The following SF3A2 variants were observed in gnomAD, a reference collection of about 807,000 sequenced individuals.
The protein encoded by SF3A2 is SAP 62.
In SF3A2, 5 loss-of-function variants were observed where a neutral mutation model predicts 31.1. The observed-to-expected ratio is 0.16, with a 90% CI of 0.08 to 0.34. SF3A2 has a LOEUF of 0.34. Among genes scored for constraint, SF3A2 ranks in the 10% least tolerant of loss-of-function variants. The pLI, the probability that SF3A2 is intolerant of heterozygous loss-of-function variation, is 1.00. For synonymous variants in SF3A2, 365 were observed against 263.7 expected (o/e 1.38, Z -3.72); for missense variants, 577 against 643.9 (o/e 0.90, Z 1.13).
At position 2,248,467 on chromosome 19, in the gene SF3A2, C is replaced by T; in HGVS notation, c.1316C>T (p.Thr439Ile). ...HPSNPGVHPP[T>I]PMPPMLRPPL... ...TCAAATCCTGGGGTGCACCCCCCAA[C>T]TCCCATGCCCCCAATGCTGAGGCCC... Residue 439 changes from threonine to isoleucine, a missense_variant, in exon 9 of 9, where the codon ACT (threonine) becomes ATT (isoleucine). Transcript: ENST00000221494. 1 of 1,235,130 alleles carries T rather than the reference C, an allele frequency of 8.1e-7. No individual in the cohort carries two copies. The highest frequency in any genetic ancestry group is 1.0e-6 in the Non-Finnish European group (1 of 953,104). The allele number at this position is 1,235,130 out of a possible 1,614,324, so 76.5% of individuals were successfully genotyped here.
rs7252549 is a variant in SF3A2 at position 2,243,451 on chromosome 19, C to G, written c.33C>G (p.Thr11=). 1 of 1,554,538 alleles carries G rather than the reference C, an allele frequency of 6.4e-7. No homozygotes were observed. The highest frequency in any genetic ancestry group is 1.2e-5 in the South Asian group (1 of 83,962). The change falls in exon 2 of 9, where the codon ACC becomes ACG. Residue 11 remains threonine, a synonymous_variant. Coordinates refer to ENST00000221494, the MANE Select transcript of SF3A2 (RefSeq NM_007165.5). MDFQHRPGGK[T]GSGGVASSSE... is the part of the protein sequence containing the mutation. ...TCCAGCATCGCCCCGGGGGCAAGAC[C>G]GGGAGCGGGGGCGTGGCCTCCTCCT...
Position 2,246,672 on chromosome 19 carries a change from G to A in SF3A2, c.356-81G>A. 1.3e-6 allele frequency: 2 copies of A among 1,554,004 alleles called. No individual in the cohort carries two copies. Among genetic ancestry groups the A allele is most frequent in the Non-Finnish European group, 1.8e-6 (2 of 1,130,950 alleles). ...TCCCCCGGGGTCCCGCTCTCGTTCAGTGGGTGGCATTAGCCTGCCCCAGGT... is the reference window on the plus strand; with the variant it reads ...TCCCCCGGGGTCCCGCTCTCGTTCAATGGGTGGCATTAGCCTGCCCCAGGT... On this transcript the variant is annotated intron_variant, in intron 5 of 8. Transcript: ENST00000221494. The surrounding 1 kb of genome is among the most constrained non-coding windows in gnomAD (Gnocchi z 5.5).
rs969242776 is a variant in SF3A2 at position 2,243,407 on chromosome 19, A to G, written c.-12A>G. ...GTGTCTCCCAGTCTGCTAAAGCCCT[A>G]AGGCCATCACCATGGACTTCCAGCA... On this transcript the variant is annotated 5_prime_UTR_variant, in exon 2 of 9. Transcript: ENST00000221494. 17 of 1,530,136 alleles carry G rather than the reference A, an allele frequency of 1.1e-5. No homozygotes were observed. Among genetic ancestry groups the G allele is most frequent in the Admixed American group, 2.3e-5 (1 of 43,574 alleles). 94.8% of individuals were successfully genotyped at this position (1,530,136 alleles called of 1,614,324 possible). A position where few individuals can be genotyped will look rare whatever the true frequency, so the allele number is the denominator to read the frequency against.
chr19:2,248,396 TCCGTCGGCTCCTGGGGTCCAC>T lies in SF3A2; in HGVS notation c.1248_1268del (p.Ser417_Pro423del). The T allele has an allele frequency of 7.3e-7, 1 of 1,360,868 alleles. No homozygotes were observed. The highest frequency in any genetic ancestry group is 3.6e-5 in the Admixed American group (1 of 27,814). The allele number at this position is 1,360,868 out of a possible 1,614,324, so 84.3% of individuals were successfully genotyped here. A position where few individuals can be genotyped will look rare whatever the true frequency, so the allele number is the denominator to read the frequency against. On this transcript the variant is annotated inframe_deletion, in exon 9 of 9. Coordinates refer to ENST00000221494, the MANE Select transcript of SF3A2 (RefSeq NM_007165.5). ...TCCACCCCCAACCTCCCGGGGTCCA[TCCGTCGGCTCCTGGGGTCCAC>T]CCTCAGCCTCCGGGAGTTCACCCCT...
chr19:2,244,908 T>C, intron 4 of SF3A2, 129 bp downstream of exon 4: 1 of 787,744 alleles, frequency 1.3e-6, no homozygotes, highest in African/African-American at 1.7e-5. Context: ...GGCGCTTGAG[T>C]ACGGTTCCTG....
At chr19:2,247,341 A>T (rs1041062592) in intron 7 of SF3A2, 2 of 573,522 alleles carry the variant, frequency 3.5e-6, no homozygotes, top group Non-Finnish European at 6.2e-6. Context: ...CCATGCCTGG[A>T]CAGGGCGGCC....
In SF3A2 at chr19:2,246,615, G is replaced by A; in HGVS notation, c.356-138G>A. Reference sequence around the variant, plus strand: ...ACCAGAATCCCAGAGCCTGGGCGGAGATTGTCTAATGGTTGCCAGAGCTGC... The same window carrying A: ...ACCAGAATCCCAGAGCCTGGGCGGAAATTGTCTAATGGTTGCCAGAGCTGC... On this transcript the variant is annotated intron_variant, in intron 5 of 8. Coordinates refer to ENST00000221494, the MANE Select transcript of SF3A2 (RefSeq NM_007165.5). The surrounding 1 kb of genome is among the most constrained non-coding windows in gnomAD (Gnocchi z 5.5). The A allele has an allele frequency of 2.1e-6, 2 of 934,180 alleles. No individual in the cohort carries two copies. Among genetic ancestry groups the A allele is most frequent in the Non-Finnish European group, 3.2e-6 (2 of 618,912 alleles). The allele number at this position is 934,180 out of a possible 1,614,324, so 57.9% of individuals were successfully genotyped here. A position where few individuals can be genotyped will look rare whatever the true frequency, so the allele number is the denominator to read the frequency against.
intron 7 of SF3A2, 109 bp from the exon 8 acceptor site, chr19:2,247,485 C>A: frequency 2.7e-6 from 3 of 1,098,204 alleles, no homozygotes; most frequent in Non-Finnish European, 2.7e-6. Context: ...TTCTCCTGGG[C>A]TCCCAGGGTA....
chr19:2,242,808 CT>C (rs1204904898), intron 1 of SF3A2, among the ~76,000 whole-genome samples: 1 of 152,154 alleles, frequency 6.6e-6, no homozygotes, highest in Non-Finnish European at 1.5e-5. Context: ...GCAGAGCCCC[CT>C]GCGCCACAAG....
At position 2,245,050 on chromosome 19, in the gene SF3A2, G is replaced by A; in HGVS notation, c.245+271G>A. 2 of 551,114 alleles carry A rather than the reference G, an allele frequency of 3.6e-6. No homozygotes were observed. Among genetic ancestry groups the A allele is most frequent in the Non-Finnish European group, 3.2e-6 (1 of 307,768 alleles). The allele number at this position is 551,114 out of a possible 1,614,324, so 34.1% of individuals were successfully genotyped here. On this transcript the variant is annotated intron_variant, in intron 4 of 8. Transcript: ENST00000221494. The surrounding 1 kb of genome is among the most constrained non-coding windows in gnomAD (Gnocchi z 4.2). ...AAATACAAAAATTAGGCCAGGCATG[G>A]TGGCACACGTCTGTAATCACAGCTA...
At chr19:2,239,588 G>A (rs924616500) in intron 1 of SF3A2, among the ~76,000 whole-genome samples, 1 of 151,938 alleles carries the variant, frequency 6.6e-6, no homozygotes, top group South Asian at 2.1e-4. Flanking sequence ...GTGGGTGCTT[G>A]GTATCTGGAC....
chr19:2,237,948 C>T (rs1209139601), intron 1 of SF3A2: 1 of 152,242 alleles, frequency 6.6e-6, no homozygotes, highest in Non-Finnish European at 1.5e-5. Flanking sequence ...CTAATTCCTT[C>T]TCAATGGTCT....
Position 2,245,983 on chromosome 19 carries a change from C to T in SF3A2, c.355+428C>T, listed in dbSNP as rs1039829949. 5.0e-6 allele frequency: 1 copy of T among 199,966 alleles called. No homozygotes were observed. Among genetic ancestry groups the T allele is most frequent in the African/African-American group, 2.3e-5 (1 of 42,704 alleles). 12.4% of individuals were successfully genotyped at this position (199,966 alleles called of 1,614,324 possible). On this transcript the variant is annotated intron_variant, in intron 5 of 8. Transcript: ENST00000221494. This position sits in a 1 kb window ranked among gnomAD's most constrained non-coding sequence, Gnocchi z 4.2. ...AGCAGTGGGAATGGCTAGAGGTGAC[C>T]CCGGTTCAGAAAGCTGGGGAAGTGA...
rs975161045 is a variant in SF3A2 at position 2,245,325 on chromosome 19, G to A, written c.246-121G>A. 2 of 695,960 alleles carry A rather than the reference G, an allele frequency of 2.9e-6. No homozygotes were observed. The highest frequency in any genetic ancestry group is 1.8e-5 in the African/African-American group (1 of 55,732). The allele number at this position is 695,960 out of a possible 1,614,324, so 43.1% of individuals were successfully genotyped here. A position where few individuals can be genotyped will look rare whatever the true frequency, so the allele number is the denominator to read the frequency against. ...ACCCCAGGGCCCCTCCCAGGCCCCT[G>A]GCCCTCCTCATCTCTCAGCTTGTAG... On this transcript the variant is annotated intron_variant, in intron 4 of 8. Coordinates refer to ENST00000221494, the MANE Select transcript of SF3A2 (RefSeq NM_007165.5). This position sits in a 1 kb window ranked among gnomAD's most constrained non-coding sequence, Gnocchi z 4.2.
At chr19:2,237,809 C>T (rs1009088456) in intron 1 of SF3A2, 1 of 152,188 alleles carries the variant, frequency 6.6e-6, no homozygotes, top group Non-Finnish European at 1.5e-5. Context: ...TAGCTGGCCC[C>T]ATTTTGCAGG....
Position 2,248,082 on chromosome 19 carries a change from C to A in SF3A2, c.931C>A (p.Pro311Thr). 1.0e-6 allele frequency: 1 copy of A among 964,750 alleles called. No homozygotes were observed. Among genetic ancestry groups the A allele is most frequent in the Non-Finnish European group, 1.6e-6 (1 of 624,732 alleles). The allele number at this position is 964,750 out of a possible 1,614,324, so 59.8% of individuals were successfully genotyped here. The change falls in exon 9 of 9, where the codon CCA (proline) becomes ACA (threonine). Residue 311 changes from proline (P) to threonine (T), a missense_variant. Physicochemically the swap from Pro to Thr is conservative, Grantham distance 38 (BLOSUM62 -1). Coordinates refer to ENST00000221494, the MANE Select transcript of SF3A2 (RefSeq NM_007165.5). ...VHPPAPGVHP[P>T]APGVHPPAPG... ...TCCCCCAGCTCCTGGCGTCCACCCCCCAGCTCCTGGCGTCCATCCCCCAGC... is the reference window on the plus strand; with the variant it reads ...TCCCCCAGCTCCTGGCGTCCACCCCACAGCTCCTGGCGTCCATCCCCCAGC...
chr19:2,247,975 C>G lies in SF3A2; in HGVS notation c.824C>G (p.Pro275Arg), dbSNP rs1260988842. 1.9e-6 allele frequency: 2 copies of G among 1,059,132 alleles called. No individual in the cohort carries two copies. Among genetic ancestry groups the G allele is most frequent in the Non-Finnish European group, 2.8e-6 (2 of 709,994 alleles). The allele number at this position is 1,059,132 out of a possible 1,614,324, so 65.6% of individuals were successfully genotyped here. ...ACAGGGCCTGCGCCCTCAGGGCCCCCGGGACCACCCCAGCTACCCCCGCCA... is the reference window on the plus strand; with the variant it reads ...ACAGGGCCTGCGCCCTCAGGGCCCCGGGGACCACCCCAGCTACCCCCGCCA... ...PPTGPAPSGPPGPPQLPPPAP... is the reference protein window; with the variant it reads ...PPTGPAPSGPRGPPQLPPPAP... The change falls in exon 9 of 9, where the codon CCG (proline) becomes CGG (arginine). Residue 275 changes from proline to arginine, a missense_variant. Pro to Arg is a moderately radical substitution (Grantham distance 103, BLOSUM62 -2). Coordinates refer to ENST00000221494, the MANE Select transcript of SF3A2 (RefSeq NM_007165.5).
Position 2,248,175 on chromosome 19 carries a change from G to C in SF3A2, c.1024G>C (p.Gly342Arg). The change falls in exon 9 of 9, where the codon GGG (glycine) becomes CGG (arginine). Residue 342 changes from glycine to arginine, a missense_variant. Around this residue, in one of 6 missense-constraint regions of SF3A2, gnomAD observed 462 missense variants for 339.1 expected, o/e 1.36. Transcript: ENST00000221494. Reference sequence around the variant, plus strand: ...TCCTGGAGTCCACCCTCCAGCCCCCGGGGTTCACCCACCAGCCCCCGGAGT... The same window carrying C: ...TCCTGGAGTCCACCCTCCAGCCCCCCGGGTTCACCCACCAGCCCCCGGAGT... ...PAPGVHPPAP[G>R]VHPPAPGVHP... The C allele has an allele frequency of 1.4e-6, 2 of 1,399,272 alleles. No individual in the cohort carries two copies. The highest frequency in any genetic ancestry group is 2.6e-4 in the Middle Eastern group (1 of 3,816). The allele number at this position is 1,399,272 out of a possible 1,614,324, so 86.7% of individuals were successfully genotyped here. A position where few individuals can be genotyped will look rare whatever the true frequency, so the allele number is the denominator to read the frequency against.
rs200207147 is a variant in SF3A2 at position 2,246,870 on chromosome 19, G to A, written c.406-12G>A. 176 of 1,612,500 alleles carry A rather than the reference G, an allele frequency of 1.1e-4. No individual in the cohort carries two copies. The African/African-American group carries it at 1.9e-3, about 17-fold the overall frequency. ...CAAGAGGCGGCTCTGCCACCCGGCC[G>A]TGTCCCTGCAGATTGACTACCCTGA... is the stretch of plus-strand genomic sequence containing the variant. On this transcript the variant is annotated splice_polypyrimidine_tract_variant and intron_variant, in intron 6 of 8. Coordinates refer to ENST00000221494, the MANE Select transcript of SF3A2 (RefSeq NM_007165.5). The surrounding 1 kb of genome is among the most constrained non-coding windows in gnomAD (Gnocchi z 5.5).
Sources: gnomAD v4.1 joint callset for allele counts (sites outside exome capture counted in the v4.1 genomes callset) on GRCh38, gnomAD v4.1.1 for gene constraint, gnomAD v4.1.1 regional missense constraint, Gnocchi (gnomAD v3.1) non-coding constraint, MANE v1.5 for transcripts, NCBI Gene and HGNC (gene_info 2026-07-23, HGNC 2026-07-21) for gene names.